HIGD1A: variants seen among roughly 807,000 people sequenced by gnomAD.
HIGD1A encodes the protein HIG1 domain family member 1A, mitochondrial.
Under a neutral mutation model 11.3 loss-of-function variants are expected in HIGD1A, and 8 were observed. That is an observed-to-expected ratio of 0.71 (90% CI 0.42 to 1.28). HIGD1A has a LOEUF of 1.28. Among genes scored for constraint, HIGD1A ranks in the 50% most tolerant of loss-of-function variants. HIGD1A has a pLI of 0.01. For missense variants in HIGD1A, 107 were observed against 118.8 expected (o/e 0.90, Z 0.46); for synonymous variants, 32 against 38.4 (o/e 0.83, Z 0.62).
rs1215760543 is a variant in HIGD1A, at chr3:42,784,139, AAAAAT to A, written c.*1127_*1131del. ...AACAAAAATTACCCACAAAAGGAAA[AAAAAT>A]AAAACATACCATAAAGTAAAATATT... On this transcript the variant is annotated 3_prime_UTR_variant, in exon 4 of 4. Transcript: ENST00000321331. Among the ~76,000 whole-genome samples, 1 of 152,154 alleles carries A rather than the reference AAAAAT, an allele frequency of 6.6e-6. No individual in the cohort carries two copies. The highest frequency in any genetic ancestry group is 1.5e-5 in the Non-Finnish European group (1 of 68,040).
At chr3:42,796,494 C>T (rs999452551) in intron 1 of HIGD1A, among the ~76,000 whole-genome samples, 2 of 151,584 alleles carry the variant, frequency 1.3e-5, no homozygotes, top group East Asian at 1.9e-4. Flanking sequence ...TCACCTTGCC[C>T]GCTGGCTAGA....
intron 2 of HIGD1A, among the ~76,000 whole-genome samples, chr3:42,793,012 T>A (rs891482235): frequency 7.5e-4 from 111 of 148,790 alleles, no homozygotes; most frequent in African/African-American, 2.5e-3. Context: ...GAGTTTCGAA[T>A]AACATAGTTA....
chr3:42,803,975 C>A (rs1034216010), intron 1 of HIGD1A, among the ~76,000 whole-genome samples: 1 of 152,212 alleles, frequency 6.6e-6, no homozygotes, highest in African/African-American at 2.4e-5. Context: ...CTTCCTGTGA[C>A]CTTGTCGTGA....
At chr3:42,793,816 A>G (rs77139856) in intron 2 of HIGD1A, among the ~76,000 whole-genome samples, 2,902 of 152,232 alleles carry the variant, frequency 0.019, 90 homozygotes, top group African/African-American at 0.066. Flanking sequence ...ATACAAAACT[A>G]CAAAAATTCG....
chr3:42,800,586 G>T (rs1700543995), intron 1 of HIGD1A, among the ~76,000 whole-genome samples: 1 of 149,482 alleles, frequency 6.7e-6, no homozygotes. Flanking sequence ...TTCAGGTTTG[G>T]TTTTTCTTTT....
Position 42,785,182 on chromosome 3 carries a change from T to C in HIGD1A, c.*89A>G. Reference sequence around the variant, plus strand: ...TACCATCTAAACCCATACAAATTAGTTTATTTCCAACAATAATAGGTAACT... The same window carrying C: ...TACCATCTAAACCCATACAAATTAGCTTATTTCCAACAATAATAGGTAACT... On this transcript the variant is annotated 3_prime_UTR_variant, in exon 4 of 4. Transcript: ENST00000321331. The C allele has an allele frequency of 9.7e-7, 1 of 1,032,340 alleles. No homozygotes were observed. The highest frequency in any genetic ancestry group is 1.6e-5 in the African/African-American group (1 of 62,278). 63.9% of individuals were successfully genotyped at this position (1,032,340 alleles called of 1,614,324 possible).
At chr3:42,796,041 T>C (rs930617885) in intron 1 of HIGD1A, among the ~76,000 whole-genome samples, 1 of 152,244 alleles carries the variant, frequency 6.6e-6, no homozygotes, top group Non-Finnish European at 1.5e-5. Context: ...GGGTTTTTCA[T>C]GTGCATTATG....
At chr3:42,787,497 C>A (rs996671836) in intron 2 of HIGD1A, among the ~76,000 whole-genome samples, 1 of 150,650 alleles carries the variant, frequency 6.6e-6, no homozygotes, top group African/African-American at 2.4e-5. Flanking sequence ...GAGGCTGAGG[C>A]AGGAGAATGC....
intron 2 of HIGD1A, among the ~76,000 whole-genome samples, chr3:42,791,264 G>A (rs1468476157): frequency 1.3e-5 from 2 of 152,166 alleles, no homozygotes; most frequent in Non-Finnish European, 2.9e-5. Context: ...AGATAGATTA[G>A]TATCTCAATG....
chr3:42,786,028 C>G lies in HIGD1A; in HGVS notation c.232G>C (p.Gly78Arg), dbSNP rs778532855. The change falls in exon 3 of 4, where the codon GGT becomes CGT. Residue 78 changes from glycine (G) to arginine (R), a missense_variant and splice_region_variant. Coordinates refer to ENST00000321331, the MANE Select transcript of HIGD1A (RefSeq NM_014056.4). ...QGFVVGAMTV[G>R]MGYSMYREFW... is the part of the protein sequence containing the mutation. ...TTTGAAATTTCCTATAGGAACCTAC[C>G]AACAGTCATTGCTCCTACAACAAAG... 6.2e-7 allele frequency: 1 copy of G among 1,612,104 alleles called. No homozygotes were observed.
At chr3:42,795,204 C>A (rs1428708967) in intron 1 of HIGD1A, among the ~76,000 whole-genome samples, 1 of 144,592 alleles carries the variant, frequency 6.9e-6, no homozygotes, top group African/African-American at 2.6e-5. Context: ...AGCCACTGTG[C>A]CAGCTTATGA....
chr3:42,796,543 A>G (rs1700502814), intron 1 of HIGD1A, among the ~76,000 whole-genome samples: 1 of 152,098 alleles, frequency 6.6e-6, no homozygotes, highest in Non-Finnish European at 1.5e-5. Context: ...TGCAATAGAG[A>G]AAGAGCAATT....
intron 1 of HIGD1A, among the ~76,000 whole-genome samples, chr3:42,800,155 C>T (rs1388748042): frequency 6.6e-6 from 1 of 151,872 alleles, no homozygotes; most frequent in African/African-American, 2.4e-5. Flanking sequence ...GTGAAACCCC[C>T]ATCTCTACTA....
At chr3:42,792,055 A>C (rs1358678050) in intron 2 of HIGD1A, among the ~76,000 whole-genome samples, 4 of 152,208 alleles carry the variant, frequency 2.6e-5, no homozygotes, top group African/African-American at 9.6e-5. Context: ...AATAATTATA[A>C]ATAATAGTTT....
rs1700327079 is a variant in HIGD1A, at chr3:42,784,660, A to G, written c.*611T>C. 1 of 152,648 alleles carries G rather than the reference A, an allele frequency of 6.6e-6. No homozygotes were observed. The highest frequency in any genetic ancestry group is 6.5e-5 in the Admixed American group (1 of 15,276). 9.5% of individuals were successfully genotyped at this position (152,648 alleles called of 1,614,324 possible). Reference sequence around the variant, plus strand: ...ATATAATTTGCAATTACAAAAAACTAAACTAGAATCCTTAAATTATTCTCA... The same window carrying G: ...ATATAATTTGCAATTACAAAAAACTGAACTAGAATCCTTAAATTATTCTCA... On this transcript the variant is annotated 3_prime_UTR_variant, in exon 4 of 4. Transcript: ENST00000321331.
In HIGD1A at chr3:42,794,028, T is replaced by C. The variant is rs535047971; in HGVS notation, c.97+129A>G. ...AAGAATCTTTATGATGAGATTTATA[T>C]CATGCCAATCTCAGCATATTTCAAC... On this transcript the variant is annotated intron_variant, in intron 2 of 3. Coordinates refer to ENST00000321331, the MANE Select transcript of HIGD1A (RefSeq NM_014056.4). The C allele has an allele frequency of 2.1e-3, 1,942 of 913,512 alleles. 12 individuals are homozygous for C. Among genetic ancestry groups the C allele is most frequent in the South Asian group, 0.014 (810 of 58,194 alleles). The allele number at this position is 913,512 out of a possible 1,614,324, so 56.6% of individuals were successfully genotyped here. A position where few individuals can be genotyped will look rare whatever the true frequency, so the allele number is the denominator to read the frequency against.
intron 3 of HIGD1A, 75 bp from the exon 4 acceptor site, chr3:42,785,395 T>C (rs776310413): frequency 5.7e-5 from 63 of 1,110,860 alleles, no homozygotes; most frequent in Admixed American, 1.7e-4. Context: ...GTTCATAAAA[T>C]AGCTGAAAGT....
chr3:42,794,100 A>G lies in HIGD1A; in HGVS notation c.97+57T>C, dbSNP rs536758861. The stretch of plus-strand genomic sequence containing the variant: ...CATTCTTTCAGGATATTGCTAAATG[A>G]ACAAATTATCACGGCTCTACCATAT... On this transcript the variant is annotated intron_variant, in intron 2 of 3. Transcript: ENST00000321331. 3.3e-6 allele frequency: 5 copies of G among 1,529,588 alleles called. No individual in the cohort carries two copies. The Admixed American group carries it at 1.2e-4, about 36-fold the overall frequency. The allele number at this position is 1,529,588 out of a possible 1,614,324, so 94.8% of individuals were successfully genotyped here.
chr3:42,796,687 T>G (rs572032931), intron 1 of HIGD1A, among the ~76,000 whole-genome samples: 87 of 152,174 alleles, frequency 5.7e-4, no homozygotes, highest in African/African-American at 2.0e-3. Flanking sequence ...GCTGATTGGT[T>G]GGGTTGGAGA....
Sources: gnomAD v4.1 joint callset for allele counts (sites outside exome capture counted in the v4.1 genomes callset) on GRCh38, gnomAD v4.1.1 for gene constraint, MANE v1.5 for transcripts, NCBI Gene and HGNC (gene_info 2026-07-23, HGNC 2026-07-21) for gene names.